PDE7B: variants seen among roughly 807,000 people sequenced by gnomAD.
PDE7B encodes the protein phosphodiesterase 7B.
PDE7B carries 29 observed loss-of-function variants against 56.2 expected under a neutral mutation model. The ratio of observed to expected loss-of-function variants is 0.52; its 90% CI spans 0.38 to 0.70. The LOEUF (loss-of-function observed/expected upper bound fraction) is 0.70, where lower values mean the gene tolerates loss of function less well. Among genes scored for constraint, PDE7B ranks in the 30% least tolerant of loss-of-function variants. The pLI, the probability that PDE7B is intolerant of heterozygous loss-of-function variation, is 0.00. For synonymous variants in PDE7B, 197 were observed against 196.9 expected, an observed-to-expected ratio of 1.00 and a Z score of 0.00; for missense variants, 490 against 565.0, an observed-to-expected ratio of 0.87 and a Z score of 1.35.
rs556818590 is a variant in PDE7B at position 136,036,244 on chromosome 6, G to C, written c.83-72487G>C. Among the ~76,000 whole-genome samples, 8 of 152,282 alleles carry C rather than the reference G, an allele frequency of 5.3e-5. No individual in the cohort carries two copies. The East Asian group carries it at 1.5e-3, about 29-fold the overall frequency. On this transcript the variant is annotated intron_variant, in intron 2 of 12. Transcript: ENST00000308191. ...TGAAATCCTTTCATCTCTTATCAGA[G>C]AGGGAAAAAGGAAGGGCACATCTTT...
At chr6:136,016,992 C>T (rs1003507575) in intron 2 of PDE7B, among the ~76,000 whole-genome samples, 34 of 152,134 alleles carry the variant, frequency 2.2e-4, no homozygotes, top group African/African-American at 8.0e-4. Context: ...AGTCAATTGC[C>T]TTGAAAACAG....
chr6:136,096,679 A>C (rs921992119), intron 2 of PDE7B, among the ~76,000 whole-genome samples: 5 of 152,028 alleles, frequency 3.3e-5, no homozygotes, highest in Non-Finnish European at 1.5e-5. Flanking sequence ...TATTATTCTT[A>C]AGATCAGCAT....
intron 9 of PDE7B, among the ~76,000 whole-genome samples, chr6:136,178,657 C>T (rs1441804013): frequency 6.6e-6 from 1 of 152,142 alleles, no homozygotes; most frequent in Non-Finnish European, 1.5e-5. Flanking sequence ...AAAAACACAC[C>T]GCCAATCTCA....
At chr6:135,910,432 T>C (rs774729322) in intron 1 of PDE7B, among the ~76,000 whole-genome samples, 41 of 152,222 alleles carry the variant, frequency 2.7e-4, no homozygotes, top group Non-Finnish European at 4.9e-4. Flanking sequence ...TTTTAAAGAC[T>C]TTCTTTTTTA....
Position 136,182,183 on chromosome 6 carries a change from C to T in PDE7B, c.1045+860C>T, listed in dbSNP as rs367905332. Reference sequence around the variant, plus strand: ...CCATTGAAAGATGTGTCAATGACATCGTGATGGCCCCAAAGACAGAAGAAT... The same window carrying T: ...CCATTGAAAGATGTGTCAATGACATTGTGATGGCCCCAAAGACAGAAGAAT... On this transcript the variant is annotated intron_variant, in intron 11 of 12. Coordinates refer to ENST00000308191, the MANE Select transcript of PDE7B (RefSeq NM_018945.4). 5.3e-5 allele frequency among the ~76,000 whole-genome samples: 8 copies of T among 152,276 alleles called. No individual in the cohort carries two copies. The East Asian group carries it at 7.7e-4, about 15-fold the overall frequency.
chr6:136,173,097 C>T (rs1778919337), intron 8 of PDE7B, among the ~76,000 whole-genome samples: 1 of 152,108 alleles, frequency 6.6e-6, no homozygotes, highest in African/African-American at 2.4e-5. Flanking sequence ...TTTATAGATT[C>T]AATGCCATCC....
At chr6:136,077,221 G>A (rs899359138) in intron 2 of PDE7B, among the ~76,000 whole-genome samples, 1 of 152,070 alleles carries the variant, frequency 6.6e-6, no homozygotes, top group African/African-American at 2.4e-5. Context: ...AAGCAGAATA[G>A]TCCTGAGAAG....
intron 1 of PDE7B, among the ~76,000 whole-genome samples, chr6:135,888,191 G>A (rs1017846302): frequency 6.6e-6 from 1 of 152,130 alleles, no homozygotes; most frequent in Non-Finnish European, 1.5e-5. Context: ...TTTATAAACT[G>A]AGGCTTACAG....
intron 2 of PDE7B, among the ~76,000 whole-genome samples, chr6:136,092,324 G>T (rs1777400524): frequency 3.3e-5 from 5 of 152,172 alleles, no homozygotes; most frequent in South Asian, 4.1e-4. Flanking sequence ...ACAAAAAAGG[G>T]ATATTTGCAG....
chr6:136,145,342 A>G (rs1778395964), intron 3 of PDE7B, among the ~76,000 whole-genome samples: 1 of 152,014 alleles, frequency 6.6e-6, no homozygotes, highest in African/African-American at 2.4e-5. Context: ...TGTCATTTTT[A>G]AATGATTCCA....
rs554924146 is a variant in PDE7B at position 136,167,291 on chromosome 6, TC to T, written c.712-6502del. On this transcript the variant is annotated intron_variant, in intron 8 of 12. Transcript: ENST00000308191. Reference sequence around the variant, plus strand: ...ATGTTTATTGTTTATTGCCTGTCTCTCCCCATCTGATATGGTTTGGCTGTGT... The same window carrying T: ...ATGTTTATTGTTTATTGCCTGTCTCTCCCATCTGATATGGTTTGGCTGTGT... Among the ~76,000 whole-genome samples the T allele has an allele frequency of 7.9e-5, 12 of 152,288 alleles. No individual in the cohort carries two copies. The South Asian group carries it at 1.2e-3, about 16-fold the overall frequency.
At chr6:135,925,195 T>C (rs1169102372) in intron 1 of PDE7B, among the ~76,000 whole-genome samples, 3 of 152,150 alleles carry the variant, frequency 2.0e-5, no homozygotes, top group Non-Finnish European at 2.9e-5. Flanking sequence ...ACAAACATTA[T>C]GTTCCCTAAC....
chr6:135,902,772 A>G (rs1328036551), intron 1 of PDE7B, among the ~76,000 whole-genome samples: 1 of 152,208 alleles, frequency 6.6e-6, no homozygotes, highest in African/African-American at 2.4e-5. Context: ...AGCTTTTCAC[A>G]AATAAGTCAA....
chr6:135,934,775 ATTTATT>A (rs1347523940), intron 1 of PDE7B, among the ~76,000 whole-genome samples: 23 of 94,100 alleles, frequency 2.4e-4, no homozygotes, highest in African/African-American at 9.7e-4. Flanking sequence ...ATATATATAT[ATTTATT>A]ATATATATAT....
At chr6:136,041,810 A>G (rs1776419693) in intron 2 of PDE7B, among the ~76,000 whole-genome samples, 1 of 152,148 alleles carries the variant, frequency 6.6e-6, no homozygotes, top group Non-Finnish European at 1.5e-5. Flanking sequence ...TAACCCCTGT[A>G]TTTTGGAGAT....
chr6:135,933,076 G>T (rs1324323886), intron 1 of PDE7B, among the ~76,000 whole-genome samples: 1 of 152,156 alleles, frequency 6.6e-6, no homozygotes, highest in Admixed American at 6.5e-5. Flanking sequence ...AGCACAGAGG[G>T]TTAGAATAAG....
At chr6:135,901,249 T>A (rs548410155) in intron 1 of PDE7B, among the ~76,000 whole-genome samples, 2 of 152,132 alleles carry the variant, frequency 1.3e-5, no homozygotes, top group African/African-American at 2.4e-5. Flanking sequence ...ATTTACAAAC[T>A]AGCTAAATAA....
At chr6:135,892,227 A>T (rs975429322) in intron 1 of PDE7B, among the ~76,000 whole-genome samples, 1 of 152,076 alleles carries the variant, frequency 6.6e-6, no homozygotes, top group Non-Finnish European at 1.5e-5. Context: ...TCTATGAAAT[A>T]TATCTTTGGC....
At chr6:136,128,626 C>A (rs1259405871) in intron 3 of PDE7B, among the ~76,000 whole-genome samples, 2 of 152,138 alleles carry the variant, frequency 1.3e-5, no homozygotes, top group African/African-American at 4.8e-5. Context: ...TCCTTACTCA[C>A]ACCATTGAGC....
Sources: gnomAD v4.1 joint callset for allele counts (sites outside exome capture counted in the v4.1 genomes callset) on GRCh38, gnomAD v4.1.1 for gene constraint, MANE v1.5 for transcripts, NCBI Gene and HGNC (gene_info 2026-07-23, HGNC 2026-07-21) for gene names.